The following KIAA1217 variants were observed in gnomAD, a reference collection of about 807,000 sequenced individuals.
The protein encoded by KIAA1217 is sickle tail protein homolog.
KIAA1217 carries 88 observed loss-of-function variants against 163.9 expected under a neutral mutation model. The ratio of observed to expected loss-of-function variants is 0.54; its 90% confidence interval spans 0.45 to 0.64. The LOEUF (loss-of-function observed/expected upper bound fraction) is 0.64. KIAA1217 is among the 30% of genes least tolerant of loss of function. The pLI is 0.00. For missense variants in KIAA1217, 2,372 were observed against 2,475.0 expected (o/e 0.96, Z 0.88); for synonymous variants, 903 against 923.1 (o/e 0.98, Z 0.39).
chr10:24,272,849 G>T (rs1435636295), intron 2 of KIAA1217, among the ~76,000 whole-genome samples: 1 of 151,994 alleles, frequency 6.6e-6, no homozygotes, highest in African/African-American at 2.4e-5. Flanking sequence ...TCTTTTAAAT[G>T]CATGTTGGAA....
At chr10:24,059,624 C>G (rs1401919159) in intron 2 of KIAA1217, among the ~76,000 whole-genome samples, 1 of 152,086 alleles carries the variant, frequency 6.6e-6, no homozygotes, top group Admixed American at 6.5e-5. Flanking sequence ...GTCACCCAGG[C>G]TGAAGTGCAG....
At position 23,890,999 on chromosome 10, in the gene KIAA1217, C is replaced by T. The variant is rs201167015; in HGVS notation, c.-320-116226C>T. The stretch of plus-strand genomic sequence containing the variant: ...ACCATTATACAGTGTCTTTCTTTAA[C>T]TCAACTAATATCTTTTGCCTTGAAG... On this transcript the variant is annotated intron_variant, in intron 1 of 18. Coordinates refer to the KIAA1217 transcript ENST00000376462. Among the ~76,000 whole-genome samples the T allele has an allele frequency of 3.9e-5, 6 of 152,042 alleles. No homozygotes were observed. The East Asian group carries it at 1.2e-3, about 30-fold the overall frequency.
intron 2 of KIAA1217, among the ~76,000 whole-genome samples, chr10:24,202,456 G>A (rs2067313919): frequency 6.6e-6 from 1 of 152,068 alleles, no homozygotes. Flanking sequence ...CCAGTCACAG[G>A]CTTCTCCTTC....
At chr10:24,176,746 T>A (rs1373135375) in intron 2 of KIAA1217, among the ~76,000 whole-genome samples, 1 of 152,174 alleles carries the variant, frequency 6.6e-6, no homozygotes, top group East Asian at 1.9e-4. Context: ...GGCCTTTGGG[T>A]GATTGATAGG....
intron 5 of KIAA1217, 32 bp from the exon 6 acceptor site, chr10:24,473,196 G>GTCAACT (rs1442169405): frequency 1.4e-6 from 2 of 1,453,770 alleles, no homozygotes; most frequent in East Asian, 2.3e-5. Flanking sequence ...GAATATCAAA[G>GTCAACT]TCAACTTTCT....
intron 1 of KIAA1217, among the ~76,000 whole-genome samples, chr10:23,905,549 C>T (rs1475312551): frequency 6.6e-6 from 1 of 152,060 alleles, no homozygotes; most frequent in Non-Finnish European, 1.5e-5. Context: ...CTACACAATC[C>T]TCAGGGAAAC....
chr10:24,005,279 A>T (rs1846941421), intron 1 of KIAA1217, among the ~76,000 whole-genome samples: 1 of 152,218 alleles, frequency 6.6e-6, no homozygotes, highest in Non-Finnish European at 1.5e-5. Flanking sequence ...CACTCAATGT[A>T]AGCTAGTTAT....
At position 23,849,301 on chromosome 10, in the gene KIAA1217, A is replaced by G. The variant is rs556142458; in HGVS notation, c.-321+154067A>G. On this transcript the variant is annotated intron_variant, in intron 1 of 18. Coordinates refer to the KIAA1217 transcript ENST00000376462. ...CTTTATTTTCTGGGAACCAGTTTTT[A>G]CTTACATAAGCAATCATCATCCATC... 2.6e-5 allele frequency among the ~76,000 whole-genome samples: 4 copies of G among 152,218 alleles called. No individual in the cohort carries two copies. In the East Asian group the frequency reaches 7.7e-4, roughly 29 times the overall value.
At chr10:24,143,347 A>G (rs146250808) in intron 2 of KIAA1217, among the ~76,000 whole-genome samples, 7 of 151,982 alleles carry the variant, frequency 4.6e-5, no homozygotes, top group African/African-American at 1.7e-4. Context: ...ACTCACTGTA[A>G]CCTCTGCCTC....
chr10:24,527,282 T>A (rs746099470), intron 13 of KIAA1217, among the ~76,000 whole-genome samples: 1 of 151,038 alleles, frequency 6.6e-6, no homozygotes, highest in African/African-American at 2.4e-5. Flanking sequence ...CTTGGACATC[T>A]CTTCTACAAT....
chr10:24,534,361 A>G (rs1298462772), intron 16 of KIAA1217, among the ~76,000 whole-genome samples: 2 of 152,202 alleles, frequency 1.3e-5, no homozygotes, highest in African/African-American at 4.8e-5. Context: ...GAAGGCTTGG[A>G]TAATTGTTTT....
chr10:24,339,024 T>C (rs2046737499), intron 2 of KIAA1217, among the ~76,000 whole-genome samples: 1 of 152,222 alleles, frequency 6.6e-6, no homozygotes. Context: ...GATTTCCTGA[T>C]CTGTAAAACT....
chr10:24,237,469 G>A (rs563988892), intron 2 of KIAA1217, among the ~76,000 whole-genome samples: 6 of 152,076 alleles, frequency 3.9e-5, no homozygotes, highest in African/African-American at 9.6e-5. Flanking sequence ...GACTCTTCTC[G>A]CTCTCTTTTC....
chr10:23,940,842 T>C (rs1403967194), intron 1 of KIAA1217, among the ~76,000 whole-genome samples: 1 of 152,262 alleles, frequency 6.6e-6, no homozygotes, highest in Non-Finnish European at 1.5e-5. Context: ...TTCTGAATAA[T>C]CCATCATCAA....
At chr10:24,328,953 C>T (rs1828753032) in intron 2 of KIAA1217, among the ~76,000 whole-genome samples, 1 of 151,346 alleles carries the variant, frequency 6.6e-6, no homozygotes, top group African/African-American at 2.4e-5. Context: ...ATGATTTATA[C>T]CATATCACAT....
At chr10:24,094,793 A>C (rs1318602562) in intron 2 of KIAA1217, among the ~76,000 whole-genome samples, 1 of 152,154 alleles carries the variant, frequency 6.6e-6, no homozygotes, top group African/African-American at 2.4e-5. Context: ...AAGTCTGCAG[A>C]GGTTACTGCT....
At position 24,393,294 on chromosome 10, in the gene KIAA1217, C is replaced by T. The variant is rs548799127; in HGVS notation, c.553+12227C>T. On this transcript the variant is annotated intron_variant, in intron 3 of 20. Coordinates refer to ENST00000376454, the MANE Select transcript of KIAA1217 (RefSeq NM_019590.5). ...GGAGGGTAGATTATGTCTTCTTAGG[C>T]AGAGGAGTTAGTGAAAGGTCCTGGT... 2.0e-5 allele frequency among the ~76,000 whole-genome samples: 3 copies of T among 152,258 alleles called. No homozygotes were observed. The South Asian group carries it at 6.2e-4, about 32-fold the overall frequency.
At chr10:23,818,128 C>T (rs1257090707) in intron 1 of KIAA1217, among the ~76,000 whole-genome samples, 1 of 142,754 alleles carries the variant, frequency 7.0e-6, no homozygotes, top group Non-Finnish European at 1.5e-5. Flanking sequence ...TATATACTCA[C>T]ACACACATAA....
chr10:24,500,902 G>A (rs1192779841), intron 8 of KIAA1217, among the ~76,000 whole-genome samples: 2 of 152,044 alleles, frequency 1.3e-5, no homozygotes, highest in Non-Finnish European at 2.9e-5. Context: ...GGGCAATACG[G>A]TGAGACCCTG....
Sources: gnomAD v4.1 joint callset for allele counts (sites outside exome capture counted in the v4.1 genomes callset) on GRCh38, gnomAD v4.1.1 for gene constraint, MANE v1.5 for transcripts, NCBI Gene and HGNC (gene_info 2026-07-23, HGNC 2026-07-21) for gene names.